TBC1D7: variants seen among roughly 807,000 people sequenced by gnomAD.
TBC1D7 encodes the protein TBC domain family 7.
A neutral mutation model predicts 35.3 loss-of-function variants in TBC1D7; 33 were observed. The observed-to-expected ratio is 0.93, with a 90% CI of 0.71 to 1.25. TBC1D7 has a LOEUF of 1.25. TBC1D7 is among the 50% of genes most tolerant of loss of function. The pLI is 0.00. For missense variants in TBC1D7, 362 were observed against 365.3 expected (o/e 0.99, Z 0.07); for synonymous variants, 135 against 129.5 (o/e 1.04, Z -0.29).
At chr6:13,323,079 G>A (rs567480014) in intron 3 of TBC1D7, among the ~76,000 whole-genome samples, 21 of 152,256 alleles carry the variant, frequency 1.4e-4, no homozygotes, top group Admixed American at 9.2e-4. Flanking sequence ...TGGGCCGAGC[G>A]CGGTGTCTCA....
At chr6:13,325,041 T>C in intron 3 of TBC1D7, 53 bp downstream of exon 3, 1 of 1,319,030 alleles carries the variant, frequency 7.6e-7, no homozygotes, top group Non-Finnish European at 1.1e-6. Flanking sequence ...TAGCAAATGA[T>C]CCCTTCATTC....
chr6:13,320,564 T>C lies in TBC1D7; in HGVS notation c.381+344A>G, dbSNP rs1439285483. ...GCTACTTAGCACCTACAATTTTTTA[T>C]TTTTTAACTTTTTAAATAATGTTGG... On this transcript the variant is annotated intron_variant, in intron 4 of 7. Coordinates refer to ENST00000379300, the MANE Select transcript of TBC1D7 (RefSeq NM_016495.6). The C allele has an allele frequency of 5.1e-5, 29 of 572,152 alleles. 1 individual carries two copies. The highest frequency in any genetic ancestry group is 8.3e-5 in the Non-Finnish European group (27 of 325,122). 35.4% of individuals were successfully genotyped at this position (572,152 alleles called of 1,614,324 possible). A position where few individuals can be genotyped will look rare whatever the true frequency, so the allele number is the denominator to read the frequency against.
rs1345964763 is a variant in TBC1D7 at position 13,305,011 on chromosome 6, T to G, written c.*90A>C. 6 of 1,088,430 alleles carry G rather than the reference T, an allele frequency of 5.5e-6. No individual in the cohort carries two copies. Among genetic ancestry groups the G allele is most frequent in the Non-Finnish European group, 7.9e-6 (6 of 763,686 alleles). The allele number at this position is 1,088,430 out of a possible 1,614,324, so 67.4% of individuals were successfully genotyped here. On this transcript the variant is annotated 3_prime_UTR_variant, in exon 8 of 8. Coordinates refer to ENST00000379300, the MANE Select transcript of TBC1D7 (RefSeq NM_016495.6). ...ACTTTGAGCACCAAAGCAAGAAAAG[T>G]GTATTATTCAATCAGTTTCCCAGAT...
intron 3 of TBC1D7, among the ~76,000 whole-genome samples, chr6:13,321,922 G>T (rs1048443911): frequency 6.6e-6 from 1 of 152,162 alleles, no homozygotes; most frequent in South Asian, 2.1e-4. Flanking sequence ...AATTTTCATG[G>T]CACTAAGTTT....
At chr6:13,313,187 C>T (rs894303829) in intron 5 of TBC1D7, among the ~76,000 whole-genome samples, 2 of 152,010 alleles carry the variant, frequency 1.3e-5, no homozygotes, top group Non-Finnish European at 2.9e-5. Flanking sequence ...TCAATGAGTC[C>T]TAGAATTAAT....
At chr6:13,315,468 CT>C (rs2127532349) in intron 5 of TBC1D7, among the ~76,000 whole-genome samples, 1 of 152,250 alleles carries the variant, frequency 6.6e-6, no homozygotes, top group East Asian at 1.9e-4. Flanking sequence ...AATCCCAGCA[CT>C]TTGGGAGGCC....
chr6:13,311,810 A>G (rs1783232717), intron 5 of TBC1D7, among the ~76,000 whole-genome samples: 1 of 152,180 alleles, frequency 6.6e-6, no homozygotes, highest in Non-Finnish European at 1.5e-5. Flanking sequence ...AAGAGCAACA[A>G]TAAGAGACTT....
At position 13,320,753 on chromosome 6, in the gene TBC1D7, A is replaced by G. The variant is rs140664553; in HGVS notation, c.381+155T>C. On this transcript the variant is annotated intron_variant, in intron 4 of 7. Coordinates refer to ENST00000379300, the MANE Select transcript of TBC1D7 (RefSeq NM_016495.6). ...GTAAGAAGGTTGGGTCAGAATGTGCATGGCCATGAATGCCAAGTAAAGATG... is the reference window on the plus strand; with the variant it reads ...GTAAGAAGGTTGGGTCAGAATGTGCGTGGCCATGAATGCCAAGTAAAGATG... The G allele has an allele frequency of 2.8e-4, 217 of 778,694 alleles. No individual in the cohort carries two copies. The East Asian group carries it at 5.2e-3, about 19-fold the overall frequency. 48.2% of individuals were successfully genotyped at this position (778,694 alleles called of 1,614,324 possible). A position where few individuals can be genotyped will look rare whatever the true frequency, so the allele number is the denominator to read the frequency against.
rs773178276 is a variant in TBC1D7 at position 13,307,657 on chromosome 6, T to A, written c.608A>T (p.Tyr203Phe). ...AAAGCACCTCTTGAACCAGAGATCA[T>A]AAGGAAGTTTGGGCGCCGCGGAACA... ...RMCSAAPKLP[Y>F]DLWFKRCFAG... The change falls in exon 6 of 8, where the codon TAT becomes TTT. Residue 203 changes from tyrosine to phenylalanine, a missense_variant. Tyr to Phe is a conservative substitution (Grantham distance 22). Transcript: ENST00000379300. 6.2e-7 allele frequency: 1 copy of A among 1,614,042 alleles called. No individual in the cohort carries two copies. Among genetic ancestry groups the A allele is most frequent in the Admixed American group, 1.7e-5 (1 of 60,006 alleles).
intron 4 of TBC1D7, among the ~76,000 whole-genome samples, chr6:13,317,294 T>A (rs1011247172): frequency 6.6e-6 from 1 of 152,182 alleles, no homozygotes; most frequent in Non-Finnish European, 1.5e-5. Context: ...ATACTCAGAA[T>A]GCGAAAGTAA....
chr6:13,310,098 AG>A (rs1783087198), intron 5 of TBC1D7, among the ~76,000 whole-genome samples: 2 of 152,256 alleles, frequency 1.3e-5, no homozygotes, highest in South Asian at 4.1e-4. Context: ...AGCTCTATGA[AG>A]GGGAATTTGG....
chr6:13,320,556 A>AG, intron 4 of TBC1D7: 1 of 571,624 alleles, frequency 1.7e-6, no homozygotes, highest in South Asian at 2.4e-5. Context: ...AGCACCTACA[A>AG]TTTTTTATTT....
intron 5 of TBC1D7, among the ~76,000 whole-genome samples, chr6:13,312,233 C>T (rs1193420551): frequency 6.6e-6 from 1 of 152,140 alleles, no homozygotes; most frequent in African/African-American, 2.4e-5. Flanking sequence ...ATACACCAAC[C>T]AGACGGGGAG....
At chr6:13,307,791 A>T in intron 5 of TBC1D7, 46 bp from the exon 6 acceptor site, 1 of 1,577,918 alleles carries the variant, frequency 6.3e-7, no homozygotes, top group Non-Finnish European at 8.7e-7. Flanking sequence ...CTGTGTCATA[A>T]CATCATCTGA....
chr6:13,318,011 T>C (rs894745954), intron 4 of TBC1D7: 4 of 152,562 alleles, frequency 2.6e-5, no homozygotes, highest in Non-Finnish European at 4.4e-5. Flanking sequence ...CATAGATTAA[T>C]GGGTTATCAC....
intron 4 of TBC1D7, among the ~76,000 whole-genome samples, 199 bp from the exon 5 acceptor site, chr6:13,316,907 C>A (rs928728619): frequency 4.6e-5 from 7 of 152,172 alleles, no homozygotes; most frequent in Non-Finnish European, 1.0e-4. Flanking sequence ...AGGGTCAGTG[C>A]TGCTTATGAA....
intron 5 of TBC1D7, among the ~76,000 whole-genome samples, chr6:13,309,250 A>G (rs1783026773): frequency 6.6e-6 from 1 of 152,232 alleles, no homozygotes; most frequent in African/African-American, 2.4e-5. Flanking sequence ...TATGTCTCAG[A>G]GCAAAGAAAA....
Position 13,328,276 on chromosome 6 carries a change from C to G in TBC1D7, c.-9+20G>C, listed in dbSNP as rs926574601. ...GGTCCAAGACCCCAGGTCCCATTCT[C>G]TCTATGATGGATGCTTCACCTCTAG... On this transcript the variant is annotated intron_variant, in intron 1 of 7. Transcript: ENST00000379300. 6.6e-6 allele frequency: 1 copy of G among 152,316 alleles called. No homozygotes were observed. Among genetic ancestry groups the G allele is most frequent in the Non-Finnish European group, 1.5e-5 (1 of 68,088 alleles). The allele number at this position is 152,316 out of a possible 1,614,324, so 9.4% of individuals were successfully genotyped here. A position where few individuals can be genotyped will look rare whatever the true frequency, so the allele number is the denominator to read the frequency against.
chr6:13,322,620 T>A (rs1278555819), intron 3 of TBC1D7, among the ~76,000 whole-genome samples: 2 of 152,192 alleles, frequency 1.3e-5, no homozygotes, highest in Non-Finnish European at 2.9e-5. Flanking sequence ...TTTAGTATTC[T>A]AAAGAACACC....
Sources: gnomAD v4.1 joint callset for allele counts (sites outside exome capture counted in the v4.1 genomes callset) on GRCh38, gnomAD v4.1.1 for gene constraint, MANE v1.5 for transcripts, NCBI Gene and HGNC (gene_info 2026-07-23, HGNC 2026-07-21) for gene names.